The following SEZ6L variants were observed in gnomAD, a reference collection of about 807,000 sequenced individuals.
The protein encoded by SEZ6L is seizure related 6 homolog like.
A neutral mutation model predicts 106.2 loss-of-function variants in SEZ6L; 37 were observed. The observed-to-expected ratio is 0.35, with a 90% CI of 0.27 to 0.46. SEZ6L has a LOEUF of 0.46. Among genes scored for constraint, SEZ6L ranks in the 20% least tolerant of loss-of-function variants. SEZ6L has a pLI of 1.00. For missense variants in SEZ6L, 1,172 were observed against 1,332.8 expected, an observed-to-expected ratio of 0.88 and a Z score of 1.88; for synonymous variants, 541 against 570.4, an observed-to-expected ratio of 0.95 and a Z score of 0.73.
At chr22:26,368,212 G>A (rs1568951046) in intron 13 of SEZ6L, among the ~76,000 whole-genome samples, 1 of 152,072 alleles carries the variant, frequency 6.6e-6, no homozygotes, top group South Asian at 2.1e-4. Flanking sequence ...CAGCTCTGAG[G>A]CTTAAAACTA....
At chr22:26,209,851 T>TGACGGAAAGAAGGGAGAGAGGAAG (rs1569381829) in intron 1 of SEZ6L, among the ~76,000 whole-genome samples, 1 of 70,976 alleles carries the variant, frequency 1.4e-5, no homozygotes, top group Non-Finnish European at 2.7e-5. Flanking sequence ...AAGGAAGGAA[T>TGACGGAAAGAAGGGAGAGAGGAAG]GAAGGAAAGA....
chr22:26,369,896 C>T (rs1381672672), intron 13 of SEZ6L, among the ~76,000 whole-genome samples: 2 of 151,232 alleles, frequency 1.3e-5, no homozygotes, highest in African/African-American at 2.4e-5. Flanking sequence ...GGATTACAGG[C>T]GTGAGCCATC....
chr22:26,321,793 G>A (rs2082162518), intron 9 of SEZ6L, among the ~76,000 whole-genome samples: 2 of 152,146 alleles, frequency 1.3e-5, no homozygotes, highest in Non-Finnish European at 2.9e-5. Flanking sequence ...AGTGTGCACT[G>A]CAGACCGAGC....
chr22:26,360,637 T>C (rs750957634), intron 12 of SEZ6L, among the ~76,000 whole-genome samples: 5 of 152,170 alleles, frequency 3.3e-5, no homozygotes, highest in Non-Finnish European at 5.9e-5. Flanking sequence ...TTGTGTTCTC[T>C]GAAGGGAGCC....
intron 1 of SEZ6L, among the ~76,000 whole-genome samples, chr22:26,264,713 C>A (rs567450197): frequency 3.9e-4 from 60 of 152,232 alleles, no homozygotes; most frequent in Non-Finnish European, 6.3e-4. Context: ...AAAGAAAAAG[C>A]AGGACCATGT....
At position 26,383,503 on chromosome 22, in the gene SEZ6L, A is replaced by T. The variant is rs1041001600; in HGVS notation, c.*3208A>T. ...CATTTCCATTTTATCGCCAAACAAA[A>T]TAAAAAGCAAAACAAACTTTCTAAG... On this transcript the variant is annotated 3_prime_UTR_variant, in exon 17 of 17. Coordinates refer to ENST00000248933, the MANE Select transcript of SEZ6L (RefSeq NM_021115.5). 3 of 152,206 alleles carry T rather than the reference A, an allele frequency of 2.0e-5. No individual in the cohort carries two copies. Among genetic ancestry groups the T allele is most frequent in the Admixed American group, 1.3e-4 (2 of 15,268 alleles). The allele number at this position is 152,206 out of a possible 1,614,324, so 9.4% of individuals were successfully genotyped here. A position where few individuals can be genotyped will look rare whatever the true frequency, so the allele number is the denominator to read the frequency against.
intron 12 of SEZ6L, among the ~76,000 whole-genome samples, chr22:26,357,145 G>T (rs968691009): frequency 1.3e-5 from 2 of 152,078 alleles, no homozygotes; most frequent in Admixed American, 1.3e-4. Flanking sequence ...TAGAGATGGG[G>T]TTTCACCGTG....
chr22:26,259,632 C>A (rs751043769), intron 1 of SEZ6L, among the ~76,000 whole-genome samples: 2 of 152,122 alleles, frequency 1.3e-5, no homozygotes, highest in Non-Finnish European at 2.9e-5. Flanking sequence ...ACACAGGTGT[C>A]GGAGCTCTTA....
rs964233945 is a variant in SEZ6L, at chr22:26,310,567, C to T, written c.1515-103C>T. Reference sequence around the variant, plus strand: ...AAGAGGCAGAGTTAGGTTTGGGATCCGGTAATGAGGCTCCAGAGGCAGTCG... The same window carrying T: ...AAGAGGCAGAGTTAGGTTTGGGATCTGGTAATGAGGCTCCAGAGGCAGTCG... On this transcript the variant is annotated intron_variant, in intron 6 of 16. Transcript: ENST00000248933. The T allele has an allele frequency of 2.1e-5, 27 of 1,279,202 alleles. No individual in the cohort carries two copies. The East Asian group carries it at 2.1e-4, about 10-fold the overall frequency. 79.2% of individuals were successfully genotyped at this position (1,279,202 alleles called of 1,614,324 possible).
At chr22:26,318,146 T>C (rs1336720957) in intron 9 of SEZ6L, among the ~76,000 whole-genome samples, 2 of 152,088 alleles carry the variant, frequency 1.3e-5, no homozygotes, top group Non-Finnish European at 2.9e-5. Context: ...CCATCTCAGC[T>C]CACTGCAACC....
At chr22:26,321,977 C>T (rs1193862945) in intron 9 of SEZ6L, among the ~76,000 whole-genome samples, 1 of 152,168 alleles carries the variant, frequency 6.6e-6, no homozygotes, top group Non-Finnish European at 1.5e-5. Flanking sequence ...TAAAAACCTA[C>T]TATGTGCTAG....
chr22:26,270,465 T>TGTGG (rs1187094681), intron 1 of SEZ6L, among the ~76,000 whole-genome samples: 52 of 46,968 alleles, frequency 1.1e-3, no homozygotes, highest in Admixed American at 5.6e-3. Context: ...TTGTGAGGGG[T>TGTGG]GTGTGTGTGT....
intron 1 of SEZ6L, among the ~76,000 whole-genome samples, chr22:26,180,438 G>A (rs1053146406): frequency 6.6e-6 from 1 of 152,114 alleles, no homozygotes; most frequent in Non-Finnish European, 1.5e-5. Context: ...TCTATTCTTA[G>A]CTATTCAGTT....
At chr22:26,344,150 T>C (rs1467299081) in intron 10 of SEZ6L, among the ~76,000 whole-genome samples, 1 of 152,168 alleles carries the variant, frequency 6.6e-6, no homozygotes, top group Non-Finnish European at 1.5e-5. Flanking sequence ...TAAGCCCAGC[T>C]CTGGAAGGTG....
intron 1 of SEZ6L, among the ~76,000 whole-genome samples, chr22:26,272,663 C>A (rs7285162): frequency 0.012 from 1,830 of 152,284 alleles, 50 homozygotes; most frequent in African/African-American, 0.042. Flanking sequence ...AAGCACCTGG[C>A]AGCCACTGGG....
At chr22:26,169,817 G>A in intron 1 of SEZ6L, 54 bp downstream of exon 1, 1 of 914,974 alleles carries the variant, frequency 1.1e-6, no homozygotes, top group Non-Finnish European at 1.4e-6. Context: ...GGGAGAGCGG[G>A]GCAGCCAGGG....
chr22:26,197,437 T>G lies in SEZ6L; in HGVS notation c.94+27674T>G, dbSNP rs115823501. On this transcript the variant is annotated intron_variant, in intron 1 of 16. Transcript: ENST00000248933. ...GGGGAAAGCCCGAGCCTGGTCTTAC[T>G]GGGTGAGTAAGTAACATTGTGCATA... Among the ~76,000 whole-genome samples, 91 of 152,334 alleles carry G rather than the reference T, an allele frequency of 6.0e-4. 1 individual carries two copies. Among genetic ancestry groups the G allele is most frequent in the African/African-American group, 2.1e-3 (86 of 41,574 alleles).
intron 1 of SEZ6L, among the ~76,000 whole-genome samples, chr22:26,196,268 G>A (rs572607563): frequency 6.6e-6 from 1 of 152,208 alleles, no homozygotes; most frequent in South Asian, 2.1e-4. Context: ...CACCAGTTTT[G>A]TAAGTTTTCT....
rs551275265 is a variant in SEZ6L at position 26,337,302 on chromosome 22, C to G, written c.2016-3134C>G. 3.3e-5 allele frequency among the ~76,000 whole-genome samples: 5 copies of G among 152,294 alleles called. No individual in the cohort carries two copies. The South Asian group carries it at 1.0e-3, about 32-fold the overall frequency. On this transcript the variant is annotated intron_variant, in intron 9 of 16. Coordinates refer to ENST00000248933, the MANE Select transcript of SEZ6L (RefSeq NM_021115.5). ...TTGCCGTATGGTTTTAAAATGAAAG[C>G]TATTTTCACCCTTGAAGATGCTGCT... is the stretch of plus-strand genomic sequence containing the variant.
Sources: gnomAD v4.1 joint callset for allele counts (sites outside exome capture counted in the v4.1 genomes callset) on GRCh38, gnomAD v4.1.1 for gene constraint, MANE v1.5 for transcripts, NCBI Gene and HGNC (gene_info 2026-07-23, HGNC 2026-07-21) for gene names.